Variants in SLC2A13 observed in about 807,000 individuals in gnomAD.
SLC2A13 encodes the protein solute carrier family 2 member 13.
SLC2A13 carries 32 observed loss-of-function variants against 64.4 expected under a neutral mutation model. The observed-to-expected ratio is 0.50, with a 90% confidence interval of 0.37 to 0.67. The LOEUF (loss-of-function observed/expected upper bound fraction) is 0.67. Ranked by LOEUF, SLC2A13 falls within the 30% of genes least tolerant of loss-of-function variation. The probability of loss-of-function intolerance (pLI) is 0.00; values close to 1 mark genes in which losing one functional copy is unlikely to be tolerated. For synonymous variants in SLC2A13, 338 were observed against 327.1 expected, an observed-to-expected ratio of 1.03 and a Z score of -0.36; for missense variants, 743 against 829.2, an observed-to-expected ratio of 0.90 and a Z score of 1.28.
intron 7 of SLC2A13, among the ~76,000 whole-genome samples, chr12:39,770,385 G>T (rs765118249): frequency 1.5e-4 from 23 of 152,212 alleles, no homozygotes; most frequent in Middle Eastern, 3.4e-3. Context: ...AGGCAGCATG[G>T]GGCTGCTCTG....
At chr12:39,845,739 C>T (rs1943292033) in intron 6 of SLC2A13, among the ~76,000 whole-genome samples, 2 of 152,108 alleles carry the variant, frequency 1.3e-5, no homozygotes, top group Admixed American at 1.3e-4. Flanking sequence ...GCTCTCACAA[C>T]TAGACCCTAC....
rs565446090 is a variant in SLC2A13, at chr12:40,105,341, G to A, written c.468C>T (p.Ala156=). Residue 156 remains alanine (A), a synonymous_variant, in exon 1 of 10, where the codon GCC becomes GCT. Transcript: ENST00000280871. The surrounding 1 kb of genome is among the most constrained non-coding windows in gnomAD (Gnocchi z 4.2). ...GCACCGCGGAGCCGGCGGTGAAGAG[G>A]GCACTGGCCAGGAGGATGGCAGCGC... is the stretch of plus-strand genomic sequence containing the variant. ...GRRAAILLAS[A]LFTAGSAVLA... The A allele has an allele frequency of 2.1e-5, 33 of 1,595,560 alleles. No individual in the cohort carries two copies. In the South Asian group the frequency reaches 3.6e-4, roughly 17 times the overall value.
intron 7 of SLC2A13, among the ~76,000 whole-genome samples, chr12:39,780,732 A>G (rs1179000665): frequency 6.6e-6 from 1 of 152,216 alleles, no homozygotes; most frequent in East Asian, 1.9e-4. Context: ...AGTCATTCTA[A>G]TGCAATAAGA....
chr12:40,031,109 A>G (rs950697460), intron 2 of SLC2A13, among the ~76,000 whole-genome samples: 2 of 152,254 alleles, frequency 1.3e-5, no homozygotes, highest in Non-Finnish European at 1.5e-5. Flanking sequence ...AAGAAATGCA[A>G]TACACAAGAT....
At chr12:40,074,465 C>G (rs984541993) in intron 1 of SLC2A13, among the ~76,000 whole-genome samples, 1 of 152,146 alleles carries the variant, frequency 6.6e-6, no homozygotes, top group Non-Finnish European at 1.5e-5. Flanking sequence ...CTGCACCCAG[C>G]CCCATATTCT....
At chr12:39,922,290 CT>C (rs1382026597) in intron 4 of SLC2A13, among the ~76,000 whole-genome samples, 5 of 152,178 alleles carry the variant, frequency 3.3e-5, no homozygotes, top group Admixed American at 6.5e-5. Context: ...GTTTTCTACT[CT>C]TGTCCCTGTG....
At chr12:39,931,650 C>G (rs1014546905) in intron 4 of SLC2A13, among the ~76,000 whole-genome samples, 2 of 152,134 alleles carry the variant, frequency 1.3e-5, no homozygotes, top group African/African-American at 4.8e-5. Context: ...TGTTTACCAG[C>G]TTAAAGTGCC....
chr12:39,830,439 T>G, intron 6 of SLC2A13: 2 of 1,272,202 alleles, frequency 1.6e-6, no homozygotes, highest in Non-Finnish European at 2.0e-6. Flanking sequence ...CACAGCAACT[T>G]TGGAAGTCAC....
At chr12:39,921,446 C>T (rs1049829179) in intron 4 of SLC2A13, among the ~76,000 whole-genome samples, 10 of 152,018 alleles carry the variant, frequency 6.6e-5, no homozygotes, top group Admixed American at 5.2e-4. Flanking sequence ...CAGGGTGGCC[C>T]GGCCATGCTT....
At chr12:39,941,784 T>C (rs1946032153) in intron 4 of SLC2A13, among the ~76,000 whole-genome samples, 1 of 152,212 alleles carries the variant, frequency 6.6e-6, no homozygotes, top group African/African-American at 2.4e-5. Flanking sequence ...AATCCTTGCC[T>C]AAGCCAGTGT....
At chr12:39,889,444 C>T (rs1944546201) in intron 4 of SLC2A13, among the ~76,000 whole-genome samples, 1 of 150,870 alleles carries the variant, frequency 6.6e-6, no homozygotes, top group Non-Finnish European at 1.5e-5. Flanking sequence ...CTGCTGTAAA[C>T]TATATGAATA....
chr12:39,925,942 T>C (rs980415828), intron 4 of SLC2A13, among the ~76,000 whole-genome samples: 6 of 152,196 alleles, frequency 3.9e-5, no homozygotes, highest in Non-Finnish European at 4.4e-5. Flanking sequence ...ATTTTTTAAA[T>C]AGCCTTAACC....
chr12:40,073,246 T>C (rs1475701857), intron 1 of SLC2A13, among the ~76,000 whole-genome samples: 1 of 151,964 alleles, frequency 6.6e-6, no homozygotes. Flanking sequence ...TACAAGCACA[T>C]GTACACACCA....
In SLC2A13 at chr12:39,856,392, C is replaced by T. The variant is rs145291049; in HGVS notation, c.1319+8370G>A. 7.7e-3 allele frequency among the ~76,000 whole-genome samples: 1,167 copies of T among 152,154 alleles called. 20 individuals are homozygous for T. The highest frequency in any genetic ancestry group is 0.026 in the African/African-American group (1,093 of 41,502). On this transcript the variant is annotated intron_variant, in intron 6 of 9. Coordinates refer to ENST00000280871, the MANE Select transcript of SLC2A13 (RefSeq NM_052885.4). The stretch of plus-strand genomic sequence containing the variant: ...ATTTATTTTATTTTATTTTTTGAGA[C>T]GGAGTCTCACTCTGTCGCCAGGCTG...
rs1174296101 is a variant in SLC2A13, at chr12:39,895,802, G to A, written c.1035-23841C>T. ...CGTGTATACGTACACACATGTATATGCGTGTATACGTACACACATGTATAT... is the reference window on the plus strand; with the variant it reads ...CGTGTATACGTACACACATGTATATACGTGTATACGTACACACATGTATAT... On this transcript the variant is annotated intron_variant, in intron 4 of 9. Coordinates refer to ENST00000280871, the MANE Select transcript of SLC2A13 (RefSeq NM_052885.4). Among the ~76,000 whole-genome samples, 38 of 82,472 alleles carry A rather than the reference G, an allele frequency of 4.6e-4. 13 individuals carry two copies. The highest frequency in any genetic ancestry group is 1.2e-3 in the East Asian group (3 of 2,606). The allele number at this position is 82,472 out of a possible 152,430, so 54.1% of individuals were successfully genotyped here.
At chr12:40,055,692 G>A (rs748749589) in intron 1 of SLC2A13, among the ~76,000 whole-genome samples, 45 of 152,036 alleles carry the variant, frequency 3.0e-4, no homozygotes, top group Admixed American at 5.2e-4. Context: ...ATATTCATTA[G>A]GGAAAATTTG....
intron 1 of SLC2A13, among the ~76,000 whole-genome samples, chr12:40,103,922 T>G (rs1028150752): frequency 6.6e-6 from 1 of 152,238 alleles, no homozygotes; most frequent in African/African-American, 2.4e-5. Context: ...TTGCCCTACC[T>G]TTGCTAATTA....
intron 7 of SLC2A13, among the ~76,000 whole-genome samples, chr12:39,779,785 T>C (rs1940913262): frequency 6.6e-6 from 1 of 152,242 alleles, no homozygotes; most frequent in Non-Finnish European, 1.5e-5. Context: ...AATCTATCTG[T>C]ATCATCCTAA....
chr12:39,770,485 A>C (rs910495071), intron 7 of SLC2A13, among the ~76,000 whole-genome samples: 3 of 152,200 alleles, frequency 2.0e-5, no homozygotes, highest in Non-Finnish European at 4.4e-5. Context: ...ATTAGCAATA[A>C]CAGTTATGAA....
Sources: gnomAD v4.1 joint callset for allele counts (sites outside exome capture counted in the v4.1 genomes callset) on GRCh38, gnomAD v4.1.1 for gene constraint, Gnocchi (gnomAD v3.1) non-coding constraint, MANE v1.5 for transcripts, NCBI Gene and HGNC (gene_info 2026-07-23, HGNC 2026-07-21) for gene names.